The following AGBL1 variants were observed in gnomAD, a reference collection of about 807,000 sequenced individuals.
AGBL1 encodes the protein cytosolic carboxypeptidase 4.
A neutral mutation model predicts 118.9 loss-of-function variants in AGBL1; 130 were observed. The ratio of observed to expected loss-of-function variants is 1.09; its 90% CI spans 0.95 to 1.26. The LOEUF is 1.26. AGBL1 is among the 50% of genes most tolerant of loss of function. AGBL1 has a pLI of 0.00. For missense variants in AGBL1, 1,584 were observed against 1,298.1 expected (o/e 1.22, Z -3.38); for synonymous variants, 555 against 478.9 (o/e 1.16, Z -2.08).
At chr15:86,239,702 C>T (rs1265017277) in intron 6 of AGBL1, among the ~76,000 whole-genome samples, 1 of 152,182 alleles carries the variant, frequency 6.6e-6, no homozygotes, top group African/African-American at 2.4e-5. Context: ...CAATTTAGGG[C>T]CCTGAGAGGG....
intron 18 of AGBL1, among the ~76,000 whole-genome samples, chr15:86,442,354 A>C (rs1447085888): frequency 6.6e-6 from 1 of 152,176 alleles, no homozygotes; most frequent in Non-Finnish European, 1.5e-5. Flanking sequence ...TTCTGGTTTC[A>C]TTCCCTGTTA....
At chr15:86,824,184 A>C (rs1367081901) in intron 22 of AGBL1, among the ~76,000 whole-genome samples, 3 of 152,132 alleles carry the variant, frequency 2.0e-5, no homozygotes, top group African/African-American at 4.8e-5. Flanking sequence ...ATTCCATGGA[A>C]TCTATCCTAC....
chr15:86,537,347 C>T (rs547123624), intron 19 of AGBL1, among the ~76,000 whole-genome samples: 10 of 152,342 alleles, frequency 6.6e-5, no homozygotes, highest in African/African-American at 2.2e-4. Flanking sequence ...AACTTCAGTA[C>T]CTGCAACTGA....
At chr15:86,113,006 T>C (rs1897490782) in intron 1 of AGBL1, among the ~76,000 whole-genome samples, 1 of 152,144 alleles carries the variant, frequency 6.6e-6, no homozygotes, top group Admixed American at 6.5e-5. Flanking sequence ...TTCTCACTCT[T>C]CAAAAACATG....
chr15:86,397,907 TA>T (rs933505579), intron 18 of AGBL1, among the ~76,000 whole-genome samples: 1 of 152,134 alleles, frequency 6.6e-6, no homozygotes, highest in African/African-American at 2.4e-5. Flanking sequence ...ATTTTTCTTT[TA>T]AAAAGGAGGA....
At chr15:86,644,060 G>A (rs754647224) in intron 21 of AGBL1, among the ~76,000 whole-genome samples, 9 of 152,010 alleles carry the variant, frequency 5.9e-5, no homozygotes, top group Non-Finnish European at 1.0e-4. Context: ...AAAATTTAAC[G>A]TTTAAGTGGT....
chr15:86,359,455 ATTTTGAAAC>A (rs1282641768), intron 17 of AGBL1, among the ~76,000 whole-genome samples: 1 of 114,994 alleles, frequency 8.7e-6, no homozygotes, highest in Non-Finnish European at 1.8e-5. Flanking sequence ...TTTGTAATAT[ATTTTGAAAC>A]CTAGAAGTGT....
intron 23 of AGBL1, among the ~76,000 whole-genome samples, chr15:86,978,098 C>A (rs2081193077): frequency 6.6e-6 from 1 of 152,124 alleles, no homozygotes; most frequent in Non-Finnish European, 1.5e-5. Flanking sequence ...TTAAAACTGT[C>A]TATAAGTAAT....
At chr15:86,860,702 CTCTGTGAGT>C (rs2079548355) in intron 22 of AGBL1, among the ~76,000 whole-genome samples, 1 of 136,034 alleles carries the variant, frequency 7.4e-6, no homozygotes, top group African/African-American at 2.7e-5. Flanking sequence ...CCTTCCTTTC[CTCTGTGAGT>C]AAGTGTGTGT....
At chr15:86,795,023 C>T (rs529122234) in intron 22 of AGBL1, among the ~76,000 whole-genome samples, 5 of 152,156 alleles carry the variant, frequency 3.3e-5, no homozygotes, top group Non-Finnish European at 7.3e-5. Flanking sequence ...ACCCAGCACC[C>T]TGGGGGATAA....
chr15:86,615,066 T>C lies in AGBL1; in HGVS notation c.2995-59207T>C, dbSNP rs2084703030. Among the ~76,000 whole-genome samples the C allele has an allele frequency of 6.6e-6, 1 of 152,168 alleles. No individual in the cohort carries two copies. Reference sequence around the variant, plus strand: ...TTAGGATACCAAAAGGATGGGCCTTTAGAAAAGGTTAGGACTAGAATGTCA... The same window carrying C: ...TTAGGATACCAAAAGGATGGGCCTTCAGAAAAGGTTAGGACTAGAATGTCA... On this transcript the variant is annotated intron_variant, in intron 21 of 22. Coordinates refer to ENST00000614907, the MANE Select transcript of AGBL1 (RefSeq NM_001386094.1). This position sits in a 1 kb window ranked among gnomAD's most constrained non-coding sequence, Gnocchi z 4.3.
rs530111242 is a variant in AGBL1, at chr15:86,491,807, AT to A, written c.2556-31000del. On this transcript the variant is annotated intron_variant, in intron 18 of 22. Transcript: ENST00000614907. ...TATTTTTAGTCATTCTTCAGAATATATTTAGTGATGTTATGCTCAGTTTTAA... is the reference window on the plus strand; with the variant it reads ...TATTTTTAGTCATTCTTCAGAATATATTAGTGATGTTATGCTCAGTTTTAA... 2.2e-3 allele frequency among the ~76,000 whole-genome samples: 325 copies of A among 149,536 alleles called. 4 individuals are homozygous for A. Among genetic ancestry groups the A allele is most frequent in the African/African-American group, 7.4e-3 (299 of 40,306 alleles).
intron 22 of AGBL1, among the ~76,000 whole-genome samples, chr15:86,790,737 A>G (rs1278379123): frequency 6.6e-6 from 1 of 152,146 alleles, no homozygotes; most frequent in African/African-American, 2.4e-5. Context: ...TGTGTGCCTA[A>G]AAGTCCCTCC....
intron 24 of AGBL1, among the ~76,000 whole-genome samples, chr15:86,993,213 G>A (rs1307123011): frequency 6.6e-6 from 1 of 152,148 alleles, no homozygotes; most frequent in Non-Finnish European, 1.5e-5. Flanking sequence ...CACTTAATAT[G>A]TACTGTCCTA....
intron 17 of AGBL1, among the ~76,000 whole-genome samples, chr15:86,333,674 A>G (rs1301826894): frequency 6.6e-6 from 1 of 152,202 alleles, no homozygotes; most frequent in East Asian, 1.9e-4. Flanking sequence ...CTCCTTCCTA[A>G]CTTATTCTAT....
At chr15:86,403,423 G>A (rs2081477509) in intron 18 of AGBL1, among the ~76,000 whole-genome samples, 1 of 152,144 alleles carries the variant, frequency 6.6e-6, no homozygotes, top group Non-Finnish European at 1.5e-5. Flanking sequence ...AAACATAATA[G>A]TTGAATGCAC....
At chr15:86,729,479 C>G (rs2077500320) in intron 22 of AGBL1, among the ~76,000 whole-genome samples, 1 of 152,136 alleles carries the variant, frequency 6.6e-6, no homozygotes, top group Non-Finnish European at 1.5e-5. Context: ...ATCTTAATGC[C>G]CATGTTTACT....
At chr15:86,150,474 C>T (rs2077092964) in intron 3 of AGBL1, among the ~76,000 whole-genome samples, 1 of 152,070 alleles carries the variant, frequency 6.6e-6, no homozygotes, top group Admixed American at 6.6e-5. Flanking sequence ...CAGAAACTAC[C>T]ATCAGAGAAT....
intron 21 of AGBL1, among the ~76,000 whole-genome samples, chr15:86,627,192 G>A (rs2084901701): frequency 6.6e-6 from 1 of 152,148 alleles, no homozygotes; most frequent in South Asian, 2.1e-4. Flanking sequence ...TAGAGACAGG[G>A]TTTCTCCATG....
Sources: gnomAD v4.1 joint callset for allele counts (sites outside exome capture counted in the v4.1 genomes callset) on GRCh38, gnomAD v4.1.1 for gene constraint, Gnocchi (gnomAD v3.1) non-coding constraint, MANE v1.5 for transcripts, NCBI Gene and HGNC (gene_info 2026-07-23, HGNC 2026-07-21) for gene names.